The following CAMTA1 variants were observed in gnomAD, a reference collection of about 807,000 sequenced individuals.
CAMTA1 encodes calmodulin binding transcription activator 1, also known as calmodulin-binding transcription activator 1.
Under a neutral mutation model 170.9 loss-of-function variants are expected in CAMTA1, and 27 were observed. That is an observed-to-expected ratio of 0.16 (90% CI 0.12 to 0.22). The LOEUF (loss-of-function observed/expected upper bound fraction) is 0.22, where lower values mean the gene tolerates loss of function less well. CAMTA1 is among the 10% of genes least tolerant of loss of function. The pLI, the probability that CAMTA1 is intolerant of heterozygous loss-of-function variation, is 1.00. For synonymous variants in CAMTA1, 833 were observed against 891.5 expected (o/e 0.93, Z 1.17); for missense variants, 1,619 against 2,217.2 (o/e 0.73, Z 5.42).
intron 6 of CAMTA1, among the ~76,000 whole-genome samples, chr1:7,619,125 G>T (rs1370787839): frequency 6.6e-6 from 1 of 152,176 alleles, no homozygotes; most frequent in African/African-American, 2.4e-5. Context: ...GAAAGTATGA[G>T]ACCCAGTCCA....
chr1:7,008,490 T>C (rs1265717227), intron 3 of CAMTA1: 2 of 152,152 alleles, frequency 1.3e-5, no homozygotes, highest in Admixed American at 6.5e-5. Context: ...GTGCTGGTCT[T>C]AGCGGAAGGT....
intron 3 of CAMTA1, among the ~76,000 whole-genome samples, chr1:6,841,810 AG>A (rs987568765): frequency 2.0e-5 from 3 of 152,208 alleles, no homozygotes; most frequent in African/African-American, 7.2e-5. Context: ...TGAAATTCAC[AG>A]GGTTATTTTT....
At chr1:7,252,841 T>C (rs1284267710) in intron 5 of CAMTA1, among the ~76,000 whole-genome samples, 1 of 152,164 alleles carries the variant, frequency 6.6e-6, no homozygotes, top group Non-Finnish European at 1.5e-5. Context: ...AAGCCTTCCC[T>C]CAGGCCAGGA....
chr1:7,018,139 C>CATTTTTTTTTTTTTT, intron 3 of CAMTA1, among the ~76,000 whole-genome samples: 1 of 151,962 alleles, frequency 6.6e-6, no homozygotes, highest in African/African-American at 2.4e-5. Context: ...AATGCCAGGG[C>CATTTTTTTTTTTTTT]TTTTTAACAG....
intron 3 of CAMTA1, among the ~76,000 whole-genome samples, chr1:6,993,040 A>G (rs765009202): frequency 2.0e-5 from 3 of 152,212 alleles, no homozygotes; most frequent in Non-Finnish European, 4.4e-5. Flanking sequence ...AATTAACCAC[A>G]TAAGGGTGGA....
rs188431941 is a variant in CAMTA1 at position 7,212,319 on chromosome 1, A to G, written c.303-37172A>G. Among the ~76,000 whole-genome samples, 228 of 152,312 alleles carry G rather than the reference A, an allele frequency of 1.5e-3. 1 individual carries two copies. The Middle Eastern group carries it at 0.017, about 11-fold the overall frequency. ...GGAAAACATTAACATGTTTATAAAA[A>G]TCAAAACTATGCAAAAAAGTTAGAT... On this transcript the variant is annotated intron_variant, in intron 4 of 22. Coordinates refer to ENST00000303635, the MANE Select transcript of CAMTA1 (RefSeq NM_015215.4).
intron 3 of CAMTA1, among the ~76,000 whole-genome samples, chr1:7,072,620 A>G (rs548703047): frequency 1.3e-5 from 2 of 152,330 alleles, no homozygotes; most frequent in African/African-American, 4.8e-5. Context: ...ACTGTGGAGA[A>G]AAAAGAAAGT....
At chr1:6,833,018 C>G (rs1651079797) in intron 3 of CAMTA1, among the ~76,000 whole-genome samples, 1 of 152,122 alleles carries the variant, frequency 6.6e-6, no homozygotes, top group Non-Finnish European at 1.5e-5. Context: ...TGTGCAGTGC[C>G]TCAGCAGCAG....
At chr1:7,354,361 G>A (rs1008381133) in intron 5 of CAMTA1, among the ~76,000 whole-genome samples, 6 of 151,936 alleles carry the variant, frequency 3.9e-5, no homozygotes, top group Non-Finnish European at 8.8e-5. Context: ...GTGTTAGCCA[G>A]GATGGTCTTG....
chr1:7,159,456 T>G (rs918715540), intron 4 of CAMTA1, among the ~76,000 whole-genome samples: 1 of 152,132 alleles, frequency 6.6e-6, no homozygotes, highest in African/African-American at 2.4e-5. Context: ...CCCCACAGGC[T>G]ACCGACTTCC....
At chr1:7,148,188 C>T (rs1010029566) in intron 4 of CAMTA1, among the ~76,000 whole-genome samples, 5 of 150,982 alleles carry the variant, frequency 3.3e-5, no homozygotes, top group Admixed American at 2.0e-4. Flanking sequence ...CACACATGCT[C>T]ACATATGCAC....
chr1:7,766,573 A>G lies in CAMTA1; in HGVS notation c.*82A>G. On this transcript the variant is annotated 3_prime_UTR_variant, in exon 23 of 23. Transcript: ENST00000303635. Reference sequence around the variant, plus strand: ...TCTGTTTTTAGCAGAGACATGCAACAACAACACACACGCACACACGCACAC... The same window carrying G: ...TCTGTTTTTAGCAGAGACATGCAACGACAACACACACGCACACACGCACAC... 10 of 1,235,956 alleles carry G rather than the reference A, an allele frequency of 8.1e-6. No homozygotes were observed. The South Asian group carries it at 1.2e-4, about 15-fold the overall frequency. The allele number at this position is 1,235,956 out of a possible 1,614,324, so 76.6% of individuals were successfully genotyped here. A position where few individuals can be genotyped will look rare whatever the true frequency, so the allele number is the denominator to read the frequency against.
At chr1:7,001,658 G>A (rs1453417937) in intron 3 of CAMTA1, among the ~76,000 whole-genome samples, 1 of 152,184 alleles carries the variant, frequency 6.6e-6, no homozygotes, top group East Asian at 1.9e-4. Flanking sequence ...AAAGGATGCT[G>A]GTCTTCACCA....
chr1:7,419,472 C>A (rs1225478427), intron 5 of CAMTA1, among the ~76,000 whole-genome samples: 1 of 152,132 alleles, frequency 6.6e-6, no homozygotes, highest in Non-Finnish European at 1.5e-5. Context: ...CTCCTTGACT[C>A]ATGACTTTTG....
chr1:6,896,928 T>G (rs1675779265), intron 3 of CAMTA1, among the ~76,000 whole-genome samples: 1 of 152,168 alleles, frequency 6.6e-6, no homozygotes, highest in South Asian at 2.1e-4. Context: ...TTACAGTGAT[T>G]GGGTTGTGCA....
intron 3 of CAMTA1, among the ~76,000 whole-genome samples, chr1:6,932,193 T>G (rs1684539944): frequency 6.6e-6 from 1 of 152,182 alleles, no homozygotes; most frequent in Non-Finnish European, 1.5e-5. Context: ...GCCTCCCCCC[T>G]CCTCGCCAGG....
At chr1:7,412,674 G>GTCA (rs2090870859) in intron 5 of CAMTA1, among the ~76,000 whole-genome samples, 1 of 152,002 alleles carries the variant, frequency 6.6e-6, no homozygotes, top group African/African-American at 2.4e-5. Flanking sequence ...CAGATGAGTA[G>GTCA]GTTGCGAAAA....
chr1:7,551,441 A>G (rs2094801626), intron 6 of CAMTA1, among the ~76,000 whole-genome samples: 1 of 152,240 alleles, frequency 6.6e-6, no homozygotes, highest in Admixed American at 6.5e-5. Context: ...GCTAGTTCCC[A>G]GACGCTTGTT....
chr1:7,132,152 GA>G (rs1645299258), intron 4 of CAMTA1, among the ~76,000 whole-genome samples: 1 of 151,968 alleles, frequency 6.6e-6, no homozygotes, highest in Non-Finnish European at 1.5e-5. Flanking sequence ...ATACATTTTA[GA>G]AATTTTAACA....
Sources: allele counts gnomAD v4.1 joint callset (sites outside exome capture counted in the v4.1 genomes callset), GRCh38; gene constraint gnomAD v4.1.1; transcripts MANE v1.5; gene names NCBI Gene and HGNC (gene_info 2026-07-23, HGNC 2026-07-21).